Variants in KRT19 observed in about 807,000 individuals in gnomAD.
The protein encoded by KRT19 is keratin 19.
A neutral mutation model predicts 34.6 loss-of-function variants in KRT19; 21 were observed. That is an observed-to-expected ratio of 0.61 (90% CI 0.43 to 0.87). KRT19 has a LOEUF of 0.87. Ranked by LOEUF, KRT19 falls within the 40% of genes least tolerant of loss-of-function variation. KRT19 has a pLI of 0.00. For missense variants in KRT19, 514 were observed against 545.7 expected (o/e 0.94, Z 0.58); for synonymous variants, 240 against 245.8 (o/e 0.98, Z 0.22).
chr17:41,524,128 TG>T lies in KRT19; in HGVS notation c.948+14del, dbSNP rs138382069. On this transcript the variant is annotated intron_variant, in intron 5 of 5. Transcript: ENST00000361566. ...GAATTGCACAGGGAAGCGGCGGCGGTGGGGGGACACATACCATGCTCAGCTG... is the reference window on the plus strand; with the variant it reads ...GAATTGCACAGGGAAGCGGCGGCGGTGGGGGACACATACCATGCTCAGCTG... 2 of 1,611,322 alleles carry T rather than the reference TG, an allele frequency of 1.2e-6. No homozygotes were observed. Among genetic ancestry groups the T allele is most frequent in the Admixed American group, 1.7e-5 (1 of 59,884 alleles).
At chr17:41,525,417 G>GC in intron 1 of KRT19, 144 bp from the exon 2 acceptor site, 1 of 691,922 alleles carries the variant, frequency 1.4e-6, no homozygotes, top group South Asian at 1.6e-5. Flanking sequence ...CCGCCCATTG[G>GC]CCCGCTCTCT....
intron 1 of KRT19, among the ~76,000 whole-genome samples, chr17:41,527,155 G>GTTCTTTCCC (rs1905894280): frequency 1.3e-5 from 2 of 151,660 alleles, no homozygotes; most frequent in East Asian, 2.0e-4. Context: ...AGCGTGTGAC[G>GTTCTTTCCC]CAGATCCGTT....
At chr17:41,527,198 G>A (rs1905897833) in intron 1 of KRT19, among the ~76,000 whole-genome samples, 1 of 126,032 alleles carries the variant, frequency 7.9e-6, no homozygotes, top group Non-Finnish European at 1.7e-5. Flanking sequence ...ACTGTACTGG[G>A]TCCTCCCCAG....
chr17:41,525,125 G>T (rs1905815388), intron 2 of KRT19, 66 bp downstream of exon 2: 2 of 1,560,312 alleles, frequency 1.3e-6, no homozygotes, highest in Non-Finnish European at 1.8e-6. Flanking sequence ...GGTGAGGGCA[G>T]ATTCTAAACC....
Position 41,525,362 on chromosome 17 carries a change from A to G in KRT19, c.421-89T>C, listed in dbSNP as rs182776486. The G allele has an allele frequency of 1.6e-3, 1,628 of 988,018 alleles. 20 individuals are homozygous for G. The African/African-American group carries it at 0.023, about 14-fold the overall frequency. 61.2% of individuals were successfully genotyped at this position (988,018 alleles called of 1,614,324 possible). A position where few individuals can be genotyped will look rare whatever the true frequency, so the allele number is the denominator to read the frequency against. On this transcript the variant is annotated intron_variant, in intron 1 of 5. Coordinates refer to ENST00000361566, the MANE Select transcript of KRT19 (RefSeq NM_002276.5). ...CCCAGAAGAGAGAGGGGAGCAAATG[A>G]ATATACCCCGGCACCCTAGAGACCA... is the stretch of plus-strand genomic sequence containing the variant.
In KRT19 at chr17:41,527,846, G is replaced by A; in HGVS notation, c.402C>T (p.Ile134=). The part of the protein sequence containing the change: ...SRDYSHYYTT[I]QDLRDKILGA... ...CGCCCACCTTGTCCCGCAGGTCCTG[G>A]ATGGTCGTGTAGTAGTGGCTGTAGT... Residue 134 remains isoleucine, a synonymous_variant, in exon 1 of 6, where the codon ATC becomes ATT. Coordinates refer to ENST00000361566, the MANE Select transcript of KRT19 (RefSeq NM_002276.5). 6.2e-7 allele frequency: 1 copy of A among 1,605,554 alleles called. No individual in the cohort carries two copies. The highest frequency in any genetic ancestry group is 8.5e-7 in the Non-Finnish European group (1 of 1,174,770).
intron 1 of KRT19, 111 bp from the exon 2 acceptor site, chr17:41,525,384 A>C: frequency 1.2e-6 from 1 of 835,166 alleles, no homozygotes; most frequent in Non-Finnish European, 2.1e-6. Flanking sequence ...CACCCTAGAG[A>C]CCAAAGCCCT....
intron 1 of KRT19, chr17:41,525,520 C>A (rs547193283): frequency 9.5e-6 from 5 of 525,492 alleles, no homozygotes; most frequent in African/African-American, 9.5e-5. Flanking sequence ...GGAAGGCAAG[C>A]CTGGGGAGGA....
chr17:41,525,391 C>A, intron 1 of KRT19, 118 bp from the exon 2 acceptor site: 1 of 795,154 alleles, frequency 1.3e-6, no homozygotes, highest in Non-Finnish European at 2.2e-6. Flanking sequence ...GAGACCAAAG[C>A]CCTAGCCAGC....
In KRT19 at chr17:41,528,225, T is replaced by C. The variant is rs568942571; in HGVS notation, c.23A>G (p.Gln8Arg). Residue 8 changes from glutamine to arginine, a missense_variant, in exon 1 of 6, where the codon CAG becomes CGG. Physicochemically the swap from Gln to Arg is conservative, Grantham distance 43 (BLOSUM62 1). Transcript: ENST00000361566. MTSYSYR[Q>R]SSATSSFGGL... is the part of the protein sequence containing the mutation. ...TCCGAAGGACGACGTGGCCGACGAC[T>C]GGCGATAGCTGTAGGAAGTCATGGC... 11 of 1,574,726 alleles carry C rather than the reference T, an allele frequency of 7.0e-6. No individual in the cohort carries two copies. The East Asian group carries it at 2.0e-4, about 29-fold the overall frequency.
Position 41,524,484 on chromosome 17 carries a change from G to T in KRT19, c.717C>A (p.Ser239=). 6.2e-7 allele frequency: 1 copy of T among 1,614,090 alleles called. No individual in the cohort carries two copies. The highest frequency in any genetic ancestry group is 1.1e-5 in the South Asian group (1 of 91,082). The change falls in exon 4 of 6, where the codon TCC becomes TCA. Residue 239 remains serine (S), a synonymous_variant. Coordinates refer to ENST00000361566, the MANE Select transcript of KRT19 (RefSeq NM_002276.5). ...VGGQVSVEVD[S]APGTDLAKIL... ...TCTTGGCGAGATCGGTGCCCGGAGC[G>T]GAATCCACCTCCACACTGACCTGGC...
Position 41,524,495 on chromosome 17 carries a change from C to G in KRT19, c.706G>C (p.Glu236Gln). ...TCGGTGCCCGGAGCGGAATCCACCT[C>G]CACACTGACCTGGCCTCCCACTTGG... ...RGQVGGQVSV[E>Q]VDSAPGTDLA... Residue 236 changes from glutamate to glutamine, a missense_variant, in exon 4 of 6, where the codon GAG (glutamate) becomes CAG (glutamine). Glu to Gln is a conservative substitution (Grantham distance 29, BLOSUM62 2). Coordinates refer to ENST00000361566, the MANE Select transcript of KRT19 (RefSeq NM_002276.5). 2 of 1,614,188 alleles carry G rather than the reference C, an allele frequency of 1.2e-6. No homozygotes were observed. The highest frequency in any genetic ancestry group is 1.7e-6 in the Non-Finnish European group (2 of 1,180,030).
intron 3 of KRT19, 131 bp from the exon 4 acceptor site, chr17:41,524,671 A>G: frequency 8.0e-7 from 1 of 1,242,828 alleles, no homozygotes; most frequent in Non-Finnish European, 1.2e-6. Context: ...GCACTGGGGG[A>G]CAGACTGGGT....
In KRT19 at chr17:41,524,517, T is replaced by C. The variant is rs541460622; in HGVS notation, c.684A>G (p.Gln228=). 85 of 1,614,014 alleles carry C rather than the reference T, an allele frequency of 5.3e-5. No individual in the cohort carries two copies. The highest frequency in any genetic ancestry group is 4.9e-4 in the Middle Eastern group (3 of 6,084). ...CCTCCACACTGACCTGGCCTCCCAC[T>C]TGGCCCCTCAGCGTACTGATTTCCT... The part of the protein sequence containing the change: ...HEEEISTLRG[Q]VGGQVSVEVD... The change falls in exon 4 of 6, where the codon CAA becomes CAG. Residue 228 remains glutamine, a synonymous_variant. Transcript: ENST00000361566.
At chr17:41,527,328 G>A (rs147991200) in intron 1 of KRT19, among the ~76,000 whole-genome samples, 124 of 152,358 alleles carry the variant, frequency 8.1e-4, no homozygotes, top group African/African-American at 2.8e-3. Context: ...GCCTGAGAGG[G>A]ATGAACACTA....
chr17:41,528,254 G>T lies in KRT19; in HGVS notation c.-7C>A. 1 of 1,546,776 alleles carries T rather than the reference G, an allele frequency of 6.5e-7. No homozygotes were observed. The highest frequency in any genetic ancestry group is 8.7e-7 in the Non-Finnish European group (1 of 1,155,804). On this transcript the variant is annotated 5_prime_UTR_variant, in exon 1 of 6. Transcript: ENST00000361566. Reference sequence around the variant, plus strand: ...GATAGCTGTAGGAAGTCATGGCGAGGCGGAGCACGGACGGAGCAACCCTGG... The same window carrying T: ...GATAGCTGTAGGAAGTCATGGCGAGTCGGAGCACGGACGGAGCAACCCTGG...
At chr17:41,527,371 G>A (rs533256621) in intron 1 of KRT19, among the ~76,000 whole-genome samples, 14 of 152,364 alleles carry the variant, frequency 9.2e-5, no homozygotes, top group African/African-American at 2.9e-4. Context: ...GAATGCAGGA[G>A]GCCCTACGCT....
chr17:41,526,651 A>T (rs1905878806), intron 1 of KRT19, among the ~76,000 whole-genome samples: 1 of 130,912 alleles, frequency 7.6e-6, no homozygotes, highest in Non-Finnish European at 1.5e-5. Context: ...GGCTCACTGC[A>T]GCCTCCGCCT....
In KRT19 at chr17:41,524,991, G is replaced by A. The variant is rs138005000; in HGVS notation, c.512C>T (p.Thr171Met). 1.8e-4 allele frequency: 297 copies of A among 1,613,232 alleles called. No homozygotes were observed. The highest frequency in any genetic ancestry group is 2.5e-4 in the Admixed American group (15 of 59,986). The change falls in exon 3 of 6, where the codon ACG becomes ATG. Residue 171 changes from threonine to methionine, a missense_variant. Transcript: ENST00000361566. The part of the protein sequence containing the change: ...AADDFRTKFE[T>M]EQALRMSVEA... The stretch of plus-strand genomic sequence containing the variant: ...CACGCTCATGCGCAGAGCCTGTTCC[G>A]TCTCAAACCTTTCAAAGGAAATAGT...
Sources: gnomAD v4.1 joint callset for allele counts (sites outside exome capture counted in the v4.1 genomes callset) on GRCh38, gnomAD v4.1.1 for gene constraint, MANE v1.5 for transcripts, NCBI Gene and HGNC (gene_info 2026-07-23, HGNC 2026-07-21) for gene names.